HPSE2: variants seen among roughly 807,000 people sequenced by gnomAD.
HPSE2 encodes the protein heparanase 2 (inactive).
A neutral mutation model predicts 60.5 loss-of-function variants in HPSE2; 38 were observed. The observed-to-expected ratio is 0.63, with a 90% CI of 0.48 to 0.82. The LOEUF is 0.82. Ranked by LOEUF, HPSE2 falls within the 40% of genes least tolerant of loss-of-function variation. HPSE2 has a pLI of 0.00. For synonymous variants in HPSE2, 295 were observed against 293.2 expected (o/e 1.01, Z -0.06); for missense variants, 713 against 740.4 (o/e 0.96, Z 0.43).
chr10:98,982,719 A>G (rs1449722788), intron 3 of HPSE2, among the ~76,000 whole-genome samples: 1 of 152,182 alleles, frequency 6.6e-6, no homozygotes, highest in Non-Finnish European at 1.5e-5. Context: ...GAAACTAGTC[A>G]CAAGGAAAAT....
chr10:98,772,997 T>C (rs184973542), intron 3 of HPSE2, among the ~76,000 whole-genome samples: 4 of 152,272 alleles, frequency 2.6e-5, no homozygotes, highest in Non-Finnish European at 5.9e-5. Context: ...AGGAAGGACC[T>C]ATTTCCTCTT....
At chr10:98,548,926 A>C (rs983679029) in intron 9 of HPSE2, among the ~76,000 whole-genome samples, 2 of 152,090 alleles carry the variant, frequency 1.3e-5, no homozygotes, top group East Asian at 3.9e-4. Context: ...TTTCTCACAC[A>C]ACAGATTCCC....
chr10:98,493,847 C>CT (rs1453496287), intron 9 of HPSE2, among the ~76,000 whole-genome samples: 1 of 152,108 alleles, frequency 6.6e-6, no homozygotes, highest in African/African-American at 2.4e-5. Context: ...TATGTTACAG[C>CT]TTTTTTGTAC....
intron 3 of HPSE2, among the ~76,000 whole-genome samples, chr10:98,893,770 C>T (rs1445615513): frequency 6.6e-6 from 1 of 152,068 alleles, no homozygotes; most frequent in Non-Finnish European, 1.5e-5. Flanking sequence ...TGCCTGGAGA[C>T]CCTGAGTGGT....
intron 9 of HPSE2, among the ~76,000 whole-genome samples, chr10:98,524,264 A>G (rs1424379088): frequency 6.6e-6 from 1 of 152,228 alleles, no homozygotes; most frequent in East Asian, 1.9e-4. Flanking sequence ...TGCGTGTCCA[A>G]AGATCCTTGC....
At chr10:98,997,351 C>T (rs1172387851) in intron 3 of HPSE2, among the ~76,000 whole-genome samples, 6 of 151,944 alleles carry the variant, frequency 3.9e-5, no homozygotes, top group East Asian at 1.9e-4. Context: ...CTCCTGACCT[C>T]GTGATCCACC....
intron 3 of HPSE2, among the ~76,000 whole-genome samples, chr10:98,949,765 T>A (rs188684364): frequency 2.0e-5 from 3 of 152,070 alleles, no homozygotes; most frequent in Admixed American, 2.0e-4. Context: ...TTCAAAAAAA[T>A]TAAGTAAGAT....
chr10:98,791,969 A>G (rs1401150369), intron 3 of HPSE2, among the ~76,000 whole-genome samples: 1 of 152,188 alleles, frequency 6.6e-6, no homozygotes, highest in Admixed American at 6.5e-5. Context: ...CCCGTTCTCA[A>G]TAGTTTCCAT....
intron 3 of HPSE2, among the ~76,000 whole-genome samples, chr10:98,946,668 A>T (rs1644088417): frequency 6.6e-6 from 1 of 152,188 alleles, no homozygotes; most frequent in African/African-American, 2.4e-5. Context: ...ACATTGTTAA[A>T]AAAAGTATGC....
chr10:98,562,702 G>A (rs1045530769), intron 9 of HPSE2, among the ~76,000 whole-genome samples: 2 of 123,408 alleles, frequency 1.6e-5, no homozygotes, highest in African/African-American at 3.0e-5. Flanking sequence ...CGAACAGAGT[G>A]AGACTCTGTC....
intron 3 of HPSE2, among the ~76,000 whole-genome samples, chr10:99,107,085 G>A (rs779591138): frequency 7.2e-5 from 11 of 152,110 alleles, no homozygotes; most frequent in Non-Finnish European, 1.3e-4. Context: ...TGGCTGGGCT[G>A]GTCTTAAACT....
chr10:98,971,449 C>T (rs1406165947), intron 3 of HPSE2, among the ~76,000 whole-genome samples: 2 of 152,142 alleles, frequency 1.3e-5, no homozygotes, highest in Non-Finnish European at 1.5e-5. Flanking sequence ...TATCCCCATT[C>T]ATAAGCCAGA....
At chr10:99,064,169 G>T (rs1842539715) in intron 3 of HPSE2, among the ~76,000 whole-genome samples, 2 of 152,106 alleles carry the variant, frequency 1.3e-5, no homozygotes, top group Admixed American at 6.6e-5. Flanking sequence ...GGGAAACAGG[G>T]TTAGATAACA....
chr10:98,652,804 T>A (rs938361005), intron 6 of HPSE2, among the ~76,000 whole-genome samples: 2 of 152,192 alleles, frequency 1.3e-5, no homozygotes, highest in African/African-American at 2.4e-5. Flanking sequence ...TGGTTATTAA[T>A]CCTGTCTGAA....
intron 3 of HPSE2, among the ~76,000 whole-genome samples, chr10:98,914,016 C>T (rs1314632284): frequency 6.6e-6 from 1 of 152,074 alleles, no homozygotes; most frequent in East Asian, 1.9e-4. Context: ...AGTACTATTC[C>T]TTCAACAAAA....
chr10:98,860,467 T>C (rs1447075525), intron 3 of HPSE2, among the ~76,000 whole-genome samples: 1 of 152,224 alleles, frequency 6.6e-6, no homozygotes, highest in Non-Finnish European at 1.5e-5. Flanking sequence ...CTAATATTTA[T>C]GAGTTAAGAA....
At chr10:98,547,937 C>G (rs1943743338) in intron 9 of HPSE2, among the ~76,000 whole-genome samples, 1 of 151,956 alleles carries the variant, frequency 6.6e-6, no homozygotes, top group Non-Finnish European at 1.5e-5. Flanking sequence ...GACAAAATTT[C>G]AAGAAGTTGA....
intron 3 of HPSE2, among the ~76,000 whole-genome samples, chr10:99,034,917 A>T (rs973353019): frequency 1.3e-5 from 2 of 152,318 alleles, no homozygotes; most frequent in Admixed American, 6.5e-5. Flanking sequence ...AAGATTTTTT[A>T]AAATGGTGTA....
At chr10:99,189,368 C>A (rs1466473821) in intron 2 of HPSE2, among the ~76,000 whole-genome samples, 1 of 152,138 alleles carries the variant, frequency 6.6e-6, no homozygotes, top group Non-Finnish European at 1.5e-5. Flanking sequence ...CACATTTCCC[C>A]AAAAGACAGA....
Sources: allele counts gnomAD v4.1 joint callset (sites outside exome capture counted in the v4.1 genomes callset), GRCh38; gene constraint gnomAD v4.1.1; transcripts MANE v1.5; gene names NCBI Gene and HGNC (gene_info 2026-07-23, HGNC 2026-07-21).